PRDM5: variants seen among roughly 807,000 people sequenced by gnomAD.
PRDM5 encodes PR/SET domain 5, also known as PR domain zinc finger protein 5.
In PRDM5, 56 loss-of-function variants were observed where a neutral mutation model predicts 81.2. The observed-to-expected ratio is 0.69, with a 90% CI of 0.56 to 0.86. PRDM5 has a LOEUF of 0.86. PRDM5 is among the 40% of genes least tolerant of loss of function. PRDM5 has a pLI of 0.00. For synonymous variants in PRDM5, 267 were observed against 256.4 expected (o/e 1.04, Z -0.39); for missense variants, 697 against 770.1 (o/e 0.91, Z 1.12).
chr4:120,901,284 A>T (rs1765196139), intron 2 of PRDM5, among the ~76,000 whole-genome samples: 1 of 152,196 alleles, frequency 6.6e-6, no homozygotes, highest in South Asian at 2.1e-4. Context: ...TCCAGTCCAC[A>T]AAATCAGAAA....
intron 3 of PRDM5, among the ~76,000 whole-genome samples, chr4:120,824,223 C>G (rs1194530915): frequency 6.6e-6 from 1 of 152,162 alleles, no homozygotes; most frequent in South Asian, 2.1e-4. Flanking sequence ...AGCTTCCTGT[C>G]GTCATGTTAC....
chr4:120,716,083 C>T (rs999013482), intron 14 of PRDM5, among the ~76,000 whole-genome samples: 2 of 152,134 alleles, frequency 1.3e-5, no homozygotes, highest in Non-Finnish European at 2.9e-5. Flanking sequence ...AATGCAAACA[C>T]GTATTAATCA....
At chr4:120,797,147 G>C (rs952554481) in intron 10 of PRDM5, among the ~76,000 whole-genome samples, 2 of 152,110 alleles carry the variant, frequency 1.3e-5, no homozygotes, top group Admixed American at 6.6e-5. Context: ...AACTTGAAGA[G>C]AAAGAAGAAG....
chr4:120,870,798 G>A (rs1327857953), intron 2 of PRDM5, among the ~76,000 whole-genome samples: 1 of 152,168 alleles, frequency 6.6e-6, no homozygotes, highest in Non-Finnish European at 1.5e-5. Flanking sequence ...TCACCCCTGA[G>A]TGGATTCTCA....
chr4:120,843,393 T>C (rs1456992712), intron 3 of PRDM5, among the ~76,000 whole-genome samples: 2 of 151,300 alleles, frequency 1.3e-5, no homozygotes, highest in Non-Finnish European at 2.9e-5. Context: ...AAGACTACCA[T>C]AAATGAGCAC....
chr4:120,778,956 A>G (rs1748596625), intron 12 of PRDM5, among the ~76,000 whole-genome samples: 1 of 152,132 alleles, frequency 6.6e-6, no homozygotes, highest in African/African-American at 2.4e-5. Flanking sequence ...TTTGTGTTTC[A>G]TTATTGTTTA....
intron 13 of PRDM5, among the ~76,000 whole-genome samples, chr4:120,766,800 C>A (rs1190544809): frequency 6.6e-6 from 1 of 152,066 alleles, no homozygotes; most frequent in African/African-American, 2.4e-5. Flanking sequence ...ATTTCTGAAA[C>A]CCTTTCTATT....
intron 2 of PRDM5, among the ~76,000 whole-genome samples, chr4:120,898,111 C>G (rs1324724848): frequency 2.0e-5 from 3 of 152,152 alleles, no homozygotes; most frequent in African/African-American, 7.2e-5. Flanking sequence ...AGAAACTGTT[C>G]ACCTTAAACG....
At chr4:120,874,304 AT>A (rs1183082884) in intron 2 of PRDM5, among the ~76,000 whole-genome samples, 3 of 152,246 alleles carry the variant, frequency 2.0e-5, no homozygotes, top group African/African-American at 7.2e-5. Context: ...GAAGATGAAT[AT>A]GTAAAGTTAA....
chr4:120,690,768 A>G (rs752215350), downstream of PRDM5, among the ~76,000 whole-genome samples: 1 of 152,120 alleles, frequency 6.6e-6, no homozygotes, highest in African/African-American at 2.4e-5. Flanking sequence ...AATTCCTAGT[A>G]GGTCTACAGT....
intron 13 of PRDM5, among the ~76,000 whole-genome samples, chr4:120,774,838 A>C (rs888225255): frequency 1.3e-5 from 2 of 151,084 alleles, no homozygotes; most frequent in Admixed American, 1.3e-4. Context: ...GTGTGGACAC[A>C]CAAACACATA....
intron 2 of PRDM5, among the ~76,000 whole-genome samples, chr4:120,905,333 C>T (rs1047267169): frequency 3.3e-5 from 5 of 152,128 alleles, no homozygotes; most frequent in Non-Finnish European, 7.3e-5. Context: ...TTTATGTATA[C>T]TATGGATAGG....
chr4:120,891,107 C>T (rs1415697482), intron 2 of PRDM5, among the ~76,000 whole-genome samples: 1 of 152,160 alleles, frequency 6.6e-6, no homozygotes, highest in Non-Finnish European at 1.5e-5. Flanking sequence ...GTAGGAATGG[C>T]ACCAGCTCTT....
intron 10 of PRDM5, among the ~76,000 whole-genome samples, chr4:120,790,755 G>T (rs530262445): frequency 6.6e-6 from 1 of 152,226 alleles, no homozygotes; most frequent in East Asian, 1.9e-4. Context: ...AATATTTGGT[G>T]AATACTGGGT....
intron 10 of PRDM5, among the ~76,000 whole-genome samples, chr4:120,794,519 ACACACACACAC>A (rs1209721385): frequency 1.5e-4 from 1 of 6,696 alleles, no homozygotes; most frequent in East Asian, 0.025. Context: ...AATCTAACAC[ACACACACACAC>A]ACACACACAC....
intron 3 of PRDM5, among the ~76,000 whole-genome samples, chr4:120,822,932 T>C (rs1487529378): frequency 6.6e-6 from 1 of 152,162 alleles, no homozygotes; most frequent in Non-Finnish European, 1.5e-5. Flanking sequence ...TTATTTCTAA[T>C]TAAGATCACT....
intron 14 of PRDM5, among the ~76,000 whole-genome samples, chr4:120,723,275 T>C (rs1352630439): frequency 6.6e-6 from 1 of 152,116 alleles, no homozygotes; most frequent in Non-Finnish European, 1.5e-5. Context: ...CTTACACACA[T>C]AACAAGAGTT....
At chr4:120,853,852 T>G (rs1034236615) in intron 2 of PRDM5, among the ~76,000 whole-genome samples, 1 of 152,296 alleles carries the variant, frequency 6.6e-6, no homozygotes, top group African/African-American at 2.4e-5. Context: ...GCAATCACAA[T>G]TGTTCAGAGA....
intron 13 of PRDM5, among the ~76,000 whole-genome samples, chr4:120,775,978 C>T (rs1257161352): frequency 1.3e-5 from 2 of 152,098 alleles, no homozygotes; most frequent in Admixed American, 6.6e-5. Context: ...TGCCACCGGC[C>T]GTTGGCACAA....
Sources: gnomAD v4.1 joint callset for allele counts (sites outside exome capture counted in the v4.1 genomes callset) on GRCh38, gnomAD v4.1.1 for gene constraint, MANE v1.5 for transcripts, NCBI Gene and HGNC (gene_info 2026-07-23, HGNC 2026-07-21) for gene names.